Variants in BCAS3 observed in about 807,000 individuals in gnomAD.
BCAS3 encodes BCAS4/BCAS3 fusion.
BCAS3 carries 53 observed loss-of-function variants against 116.1 expected under a neutral mutation model. That is an observed-to-expected ratio of 0.46 (90% CI 0.37 to 0.57). The LOEUF is 0.57. Ranked by LOEUF, BCAS3 falls within the 20% of genes least tolerant of loss-of-function variation. BCAS3 has a pLI of 0.00. For missense variants in BCAS3, 917 were observed against 1,165.4 expected (o/e 0.79, Z 3.10); for synonymous variants, 391 against 408.2 (o/e 0.96, Z 0.51).
At position 61,186,368 on chromosome 17, in the gene BCAS3, T is replaced by G. The variant is rs2079774833; in HGVS notation, c.2425+101804T>G. ...GTATATACGTATAAATGTATACTGC[T>G]TAACGAAAACATTTTTAACCTGTGT... On this transcript the variant is annotated intron_variant, in intron 22 of 23. Coordinates refer to ENST00000407086, the MANE Select transcript of BCAS3 (RefSeq NM_017679.5). The surrounding 1 kb of genome is among the most constrained non-coding windows in gnomAD (Gnocchi z 4.9). Among the ~76,000 whole-genome samples the G allele has an allele frequency of 1.3e-5, 2 of 152,234 alleles. No homozygotes were observed. The highest frequency in any genetic ancestry group is 2.9e-5 in the Non-Finnish European group (2 of 68,042).
chr17:61,277,181 T>C (rs2050829789), intron 22 of BCAS3, among the ~76,000 whole-genome samples: 1 of 151,566 alleles, frequency 6.6e-6, no homozygotes, highest in Non-Finnish European at 1.5e-5. Context: ...GGAGGATCGC[T>C]TTTTCTAGGA....
intron 22 of BCAS3, among the ~76,000 whole-genome samples, chr17:61,303,049 G>C (rs1168426489): frequency 6.6e-6 from 1 of 152,314 alleles, no homozygotes; most frequent in African/African-American, 2.4e-5. Flanking sequence ...GAAGGGAAAG[G>C]CCTGTCCGAC....
intron 7 of BCAS3, among the ~76,000 whole-genome samples, chr17:60,839,501 A>G (rs7210979): frequency 0.19 from 28,625 of 152,088 alleles, 3,283 homozygotes; most frequent in African/African-American, 0.32. Flanking sequence ...AAGGTTTCAT[A>G]ACCCAGTGTT....
chr17:60,695,160 A>T (rs1375635219), intron 4 of BCAS3, among the ~76,000 whole-genome samples: 2 of 135,592 alleles, frequency 1.5e-5, no homozygotes, highest in Admixed American at 8.3e-5. Flanking sequence ...TCGCTCTGTC[A>T]CCCAGGCTGG....
At chr17:60,697,442 G>A (rs1019816266) in intron 4 of BCAS3, among the ~76,000 whole-genome samples, 2 of 151,882 alleles carry the variant, frequency 1.3e-5, no homozygotes, top group African/African-American at 2.4e-5. Context: ...AATAAGCTGG[G>A]CATGGTGGCA....
intron 12 of BCAS3, among the ~76,000 whole-genome samples, chr17:60,921,617 A>AC (rs112208219): frequency 0.12 from 18,015 of 148,434 alleles, 3,783 homozygotes; most frequent in African/African-American, 0.43. Context: ...CGTCTCAAAA[A>AC]AAAAAAAAAA....
chr17:61,014,511 A>G (rs2065312590), intron 15 of BCAS3, among the ~76,000 whole-genome samples: 2 of 152,130 alleles, frequency 1.3e-5, no homozygotes, highest in South Asian at 4.1e-4. Flanking sequence ...GAACAATTAC[A>G]CTTCTATATT....
Position 61,226,368 on chromosome 17 carries a change from T to C in BCAS3, c.2425+141804T>C, listed in dbSNP as rs1269712228. Reference sequence around the variant, plus strand: ...CAATATTTGAAACATTTAAATTATATTAACAGTTTTTCTTTTTTGTATAGT... The same window carrying C: ...CAATATTTGAAACATTTAAATTATACTAACAGTTTTTCTTTTTTGTATAGT... On this transcript the variant is annotated intron_variant, in intron 22 of 23. Transcript: ENST00000407086. This position sits in a 1 kb window ranked among gnomAD's most constrained non-coding sequence, Gnocchi z 6.0. Among the ~76,000 whole-genome samples, 3 of 152,238 alleles carry C rather than the reference T, an allele frequency of 2.0e-5. No individual in the cohort carries two copies. The highest frequency in any genetic ancestry group is 4.4e-5 in the Non-Finnish European group (3 of 68,046).
At position 60,950,298 on chromosome 17, in the gene BCAS3, A is replaced by G. The variant is rs1209407035; in HGVS notation, c.1221+2946A>G. ...TAGGACAAATAAGTGACAGAAGACA[A>G]TAGAGGGATGGTTATGTTGATTATA... On this transcript the variant is annotated intron_variant, in intron 14 of 23. Coordinates refer to ENST00000407086, the MANE Select transcript of BCAS3 (RefSeq NM_017679.5). 3.9e-5 allele frequency among the ~76,000 whole-genome samples: 6 copies of G among 152,156 alleles called. No homozygotes were observed. The South Asian group carries it at 6.2e-4, about 16-fold the overall frequency.
At chr17:60,863,074 T>C (rs1377704503) in intron 7 of BCAS3, among the ~76,000 whole-genome samples, 3 of 152,236 alleles carry the variant, frequency 2.0e-5, no homozygotes, top group African/African-American at 7.2e-5. Context: ...TTTAGACTTA[T>C]GATCCATTTT....
chr17:60,869,901 AATTACATAAATAT>A (rs2054945288), intron 8 of BCAS3, among the ~76,000 whole-genome samples: 1 of 152,246 alleles, frequency 6.6e-6, no homozygotes, highest in Non-Finnish European at 1.5e-5. Flanking sequence ...CTTGTATTTC[AATTACATAAATAT>A]ACTAGAAGTC....
chr17:61,081,099 A>G (rs1171976270), intron 21 of BCAS3, among the ~76,000 whole-genome samples: 1 of 152,256 alleles, frequency 6.6e-6, no homozygotes, highest in Admixed American at 6.5e-5. Flanking sequence ...TCGTGTTTAC[A>G]ACAGTCATTT....
At chr17:60,860,765 G>A (rs1373394844) in intron 7 of BCAS3, among the ~76,000 whole-genome samples, 1 of 152,082 alleles carries the variant, frequency 6.6e-6, no homozygotes, top group Non-Finnish European at 1.5e-5. Context: ...CCTATTGTTT[G>A]TTATCATCAA....
intron 7 of BCAS3, among the ~76,000 whole-genome samples, chr17:60,864,020 T>C (rs557961795): frequency 6.6e-6 from 1 of 152,156 alleles, no homozygotes; most frequent in African/African-American, 2.4e-5. Flanking sequence ...AGCCTTGGAA[T>C]TGGAGAAGTG....
chr17:61,153,890 A>C (rs1258376752), intron 22 of BCAS3, among the ~76,000 whole-genome samples: 1 of 152,200 alleles, frequency 6.6e-6, no homozygotes, highest in East Asian at 1.9e-4. Flanking sequence ...AAACGAATTA[A>C]CAACCAACCA....
intron 7 of BCAS3, among the ~76,000 whole-genome samples, chr17:60,850,353 T>G (rs1345069209): frequency 2.2e-5 from 3 of 136,776 alleles, no homozygotes; most frequent in African/African-American, 5.7e-5. Context: ...CTGTTTTTTT[T>G]TTTTTTTTTT....
In BCAS3 at chr17:60,993,176, G is replaced by A. The variant is rs1187125318; in HGVS notation, c.1486+2941G>A. ...TACCCTCATAGATCTTGTATTCCAC[G>A]GGAAAAGACAGATATTAAATGACTG... On this transcript the variant is annotated intron_variant, in intron 15 of 23. Coordinates refer to ENST00000407086, the MANE Select transcript of BCAS3 (RefSeq NM_017679.5). The surrounding 1 kb of genome is among the most constrained non-coding windows in gnomAD (Gnocchi z 4.2). 1.3e-5 allele frequency among the ~76,000 whole-genome samples: 2 copies of A among 152,042 alleles called. No individual in the cohort carries two copies. The highest frequency in any genetic ancestry group is 2.4e-5 in the African/African-American group (1 of 41,384).
chr17:61,345,609 T>C (rs993389420), intron 22 of BCAS3, among the ~76,000 whole-genome samples: 1 of 152,154 alleles, frequency 6.6e-6, no homozygotes, highest in Non-Finnish European at 1.5e-5. Flanking sequence ...ATGTGCGTTT[T>C]GTGTAGCACA....
At chr17:60,813,254 TTACAA>T (rs1381344034) in intron 7 of BCAS3, among the ~76,000 whole-genome samples, 3 of 152,038 alleles carry the variant, frequency 2.0e-5, no homozygotes, top group Non-Finnish European at 2.9e-5. Flanking sequence ...ATTTATATAT[TTACAA>T]TTTTCTGACC....
Sources: allele counts gnomAD v4.1 joint callset (sites outside exome capture counted in the v4.1 genomes callset), GRCh38; gene constraint gnomAD v4.1.1; non-coding constraint Gnocchi (gnomAD v3.1); transcripts MANE v1.5; gene names NCBI Gene and HGNC (gene_info 2026-07-23, HGNC 2026-07-21).